The following HDAC9 variants were observed in gnomAD, a reference collection of about 807,000 sequenced individuals.
HDAC9 encodes MEF-2 interacting transcription repressor (MITR) protein.
Under a neutral mutation model 139.4 loss-of-function variants are expected in HDAC9, and 41 were observed. That is an observed-to-expected ratio of 0.29 (90% CI 0.23 to 0.38). The LOEUF is 0.38. Among genes scored for constraint, HDAC9 ranks in the 10% least tolerant of loss-of-function variants. The pLI, the probability that HDAC9 is intolerant of heterozygous loss-of-function variation, is 1.00. For synonymous variants in HDAC9, 517 were observed against 476.2 expected (o/e 1.09, Z -1.12); for missense variants, 1,147 against 1,297.0 (o/e 0.88, Z 1.78).
chr7:18,110,792 A>T (rs1034254350), intron 1 of HDAC9, among the ~76,000 whole-genome samples: 9 of 152,168 alleles, frequency 5.9e-5, no homozygotes, highest in African/African-American at 2.2e-4. Context: ...GGTCCAGCCA[A>T]CGGGGAGTCT....
At chr7:18,581,450 T>G (rs1234595506) in intron 2 of HDAC9, among the ~76,000 whole-genome samples, 2 of 152,274 alleles carry the variant, frequency 1.3e-5, no homozygotes, top group African/African-American at 4.8e-5. Flanking sequence ...CCTTTGAGGT[T>G]TACAATAACT....
intron 21 of HDAC9, among the ~76,000 whole-genome samples, chr7:18,859,192 A>G (rs1236875176): frequency 1.3e-5 from 2 of 152,184 alleles, no homozygotes; most frequent in Admixed American, 6.5e-5. Flanking sequence ...ATTAGAAGGA[A>G]TGTATAAACT....
chr7:18,418,938 G>A (rs1221878444), intron 1 of HDAC9, among the ~76,000 whole-genome samples: 1 of 152,108 alleles, frequency 6.6e-6, no homozygotes, highest in Admixed American at 6.6e-5. Flanking sequence ...ACTATTCAGA[G>A]AAGTAATGTT....
intron 1 of HDAC9, among the ~76,000 whole-genome samples, chr7:18,391,926 A>G (rs111333689): frequency 1.5e-4 from 23 of 152,328 alleles, no homozygotes; most frequent in Non-Finnish European, 2.4e-4. Flanking sequence ...CCCATTATCA[A>G]TAGGCACTTT....
chr7:18,170,138 T>C (rs1788312346), intron 2 of HDAC9, among the ~76,000 whole-genome samples: 1 of 152,232 alleles, frequency 6.6e-6, no homozygotes, highest in South Asian at 2.1e-4. Flanking sequence ...CCTGACTCTT[T>C]AATGATTGCC....
At chr7:18,417,940 GT>G (rs1789238637) in intron 1 of HDAC9, among the ~76,000 whole-genome samples, 1 of 152,058 alleles carries the variant, frequency 6.6e-6, no homozygotes, top group Non-Finnish European at 1.5e-5. Context: ...CTGCTTTATT[GT>G]CCCTGAAATC....
At chr7:18,944,177 T>A (rs1782211055) in intron 23 of HDAC9, among the ~76,000 whole-genome samples, 1 of 152,154 alleles carries the variant, frequency 6.6e-6, no homozygotes, top group Non-Finnish European at 1.5e-5. Flanking sequence ...ACTAGGGAAT[T>A]GATAATAGTT....
intron 21 of HDAC9, among the ~76,000 whole-genome samples, chr7:18,855,462 C>G (rs1797608770): frequency 6.6e-6 from 1 of 151,876 alleles, no homozygotes; most frequent in African/African-American, 2.4e-5. Context: ...TCTATCATTG[C>G]TAGAGTCTTT....
intron 2 of HDAC9, among the ~76,000 whole-genome samples, chr7:18,180,025 A>G (rs1358267984): frequency 1.3e-5 from 2 of 152,078 alleles, no homozygotes; most frequent in African/African-American, 2.4e-5. Context: ...CTCTGTCACA[A>G]TTTCCAGATT....
At position 18,361,095 on chromosome 7, in the gene HDAC9, AT is replaced by A. The variant is rs372019463; in HGVS notation, c.-42+70590del. Among the ~76,000 whole-genome samples, 1,146 of 150,358 alleles carry A rather than the reference AT, an allele frequency of 7.6e-3. 21 individuals are homozygous for A. The highest frequency in any genetic ancestry group is 0.026 in the African/African-American group (1,084 of 41,042). ...TATAAGAAAGTGCTTTAGCTAGCAAATTTTTTTTTTCCTCCCAGGTGGTTCT... is the reference window on the plus strand; with the variant it reads ...TATAAGAAAGTGCTTTAGCTAGCAAATTTTTTTTTCCTCCCAGGTGGTTCT... On this transcript the variant is annotated intron_variant, in intron 1 of 3. Transcript: ENST00000413509.
At chr7:18,774,487 C>T (rs1451852473) in intron 16 of HDAC9, among the ~76,000 whole-genome samples, 3 of 152,028 alleles carry the variant, frequency 2.0e-5, no homozygotes, top group African/African-American at 7.2e-5. Context: ...TTTTGTTTCT[C>T]AGTGTATACT....
intron 12 of HDAC9, among the ~76,000 whole-genome samples, chr7:18,687,712 C>T (rs927006799): frequency 6.6e-6 from 1 of 151,806 alleles, no homozygotes; most frequent in Non-Finnish European, 1.5e-5. Flanking sequence ...GCTATCCTGA[C>T]TCAAAATGAA....
chr7:18,433,587 A>G (rs113363683), intron 1 of HDAC9, among the ~76,000 whole-genome samples: 4,443 of 152,250 alleles, frequency 0.029, 76 homozygotes, highest in African/African-American at 0.049. Context: ...CACAAAATCA[A>G]TGTGCAAAAA....
At chr7:18,258,787 A>G (rs990631468) in intron 2 of HDAC9, among the ~76,000 whole-genome samples, 2 of 152,162 alleles carry the variant, frequency 1.3e-5, no homozygotes, top group African/African-American at 2.4e-5. Context: ...GAGAAAAATC[A>G]TACTATAAAT....
At chr7:18,135,004 C>T (rs1281204544) in intron 1 of HDAC9, among the ~76,000 whole-genome samples, 1 of 152,028 alleles carries the variant, frequency 6.6e-6, no homozygotes, top group East Asian at 1.9e-4. Flanking sequence ...TGTATCTAAA[C>T]AGATCTAATT....
At chr7:18,300,212 C>A (rs980542929) in intron 1 of HDAC9, among the ~76,000 whole-genome samples, 1 of 149,488 alleles carries the variant, frequency 6.7e-6, no homozygotes, top group Non-Finnish European at 1.5e-5. Context: ...TTTTTTAGCT[C>A]ATCGGCTATC....
intron 2 of HDAC9, among the ~76,000 whole-genome samples, chr7:18,187,079 C>A (rs1003945787): frequency 6.6e-6 from 1 of 152,122 alleles, no homozygotes; most frequent in Non-Finnish European, 1.5e-5. Context: ...AGAATTATAG[C>A]AGTAATAATT....
intron 16 of HDAC9, among the ~76,000 whole-genome samples, chr7:18,786,835 C>G (rs1791858588): frequency 2.9e-5 from 1 of 34,830 alleles, no homozygotes; most frequent in Non-Finnish European, 1.1e-4. Context: ...TTCCTTCCTT[C>G]ATTCCTTCCT....
chr7:18,793,677 C>T (rs950508998), intron 17 of HDAC9, among the ~76,000 whole-genome samples: 4 of 152,054 alleles, frequency 2.6e-5, no homozygotes, highest in African/African-American at 2.4e-5. Context: ...GCAGTCAGGG[C>T]CCACCGGTGT....
Sources: allele counts gnomAD v4.1 joint callset (sites outside exome capture counted in the v4.1 genomes callset), GRCh38; gene constraint gnomAD v4.1.1; transcripts MANE v1.5; gene names NCBI Gene and HGNC (gene_info 2026-07-23, HGNC 2026-07-21).